GALNT17: variants seen among roughly 807,000 people sequenced by gnomAD.
The protein encoded by GALNT17 is UDP-GalNAc:polypeptide N-acetylgalactosaminyltransferase-like 3.
Under a neutral mutation model 63.7 loss-of-function variants are expected in GALNT17, and 29 were observed. That is an observed-to-expected ratio of 0.46 (90% CI 0.34 to 0.62). The LOEUF (loss-of-function observed/expected upper bound fraction) is 0.62, where lower values mean the gene tolerates loss of function less well. Among genes scored for constraint, GALNT17 ranks in the 20% least tolerant of loss-of-function variants. The pLI, the probability that GALNT17 is intolerant of heterozygous loss-of-function variation, is 0.01. For synonymous variants in GALNT17, 305 were observed against 318.3 expected, an observed-to-expected ratio of 0.96 and a Z score of 0.45; for missense variants, 603 against 799.6, an observed-to-expected ratio of 0.75 and a Z score of 2.97.
chr7:71,552,949 C>T (rs1382764053), intron 5 of GALNT17, among the ~76,000 whole-genome samples: 1 of 152,166 alleles, frequency 6.6e-6, no homozygotes, highest in Non-Finnish European at 1.5e-5. Flanking sequence ...TGCTGGGCAT[C>T]TGTCTCCCTT....
chr7:71,699,202 A>C (rs993607613), intron 9 of GALNT17, among the ~76,000 whole-genome samples: 2 of 136,358 alleles, frequency 1.5e-5, no homozygotes, highest in African/African-American at 2.7e-5. Flanking sequence ...AAAAATGACC[A>C]GGTGCAGTGG....
At chr7:71,440,985 G>A (rs1273779990) in intron 5 of GALNT17, among the ~76,000 whole-genome samples, 3 of 151,688 alleles carry the variant, frequency 2.0e-5, no homozygotes, top group African/African-American at 4.8e-5. Context: ...CTTGTGCGTT[G>A]GAGAGAAAGC....
intron 5 of GALNT17, among the ~76,000 whole-genome samples, chr7:71,448,118 C>CAAT (rs1787191714): frequency 6.6e-6 from 1 of 152,192 alleles, no homozygotes; most frequent in African/African-American, 2.4e-5. Flanking sequence ...AATTTGAAGA[C>CAAT]AATATTCCAT....
chr7:71,601,701 G>C (rs10247100), intron 6 of GALNT17, among the ~76,000 whole-genome samples: 62,635 of 151,962 alleles, frequency 0.41, 14,349 homozygotes, highest in African/African-American at 0.62. Context: ...AGGAGGATCA[G>C]TTGAGCCCAG....
At chr7:71,644,477 C>G (rs1206160441) in intron 6 of GALNT17, among the ~76,000 whole-genome samples, 1 of 119,530 alleles carries the variant, frequency 8.4e-6, no homozygotes, top group African/African-American at 3.3e-5. Context: ...TGCAGTGAGC[C>G]AAGATCTCAC....
chr7:71,274,544 C>A (rs117627539), intron 1 of GALNT17, among the ~76,000 whole-genome samples: 2 of 152,160 alleles, frequency 1.3e-5, no homozygotes, highest in African/African-American at 2.4e-5. Flanking sequence ...CCTCCAAAAG[C>A]GCTGGGTTGG....
intron 6 of GALNT17, among the ~76,000 whole-genome samples, chr7:71,604,994 A>G (rs1790023915): frequency 6.6e-6 from 1 of 152,190 alleles, no homozygotes; most frequent in South Asian, 2.1e-4. Flanking sequence ...AAAGCCTGAA[A>G]TCGTATCACA....
At chr7:71,162,152 C>CCTTCCTTCCTTCCTTCCTTCCTTCCTTT (rs1788360903) in intron 1 of GALNT17, among the ~76,000 whole-genome samples, 1 of 137,566 alleles carries the variant, frequency 7.3e-6, no homozygotes, top group African/African-American at 2.7e-5. Flanking sequence ...TTCCTTCCTT[C>CCTTCCTTCCTTCCTTCCTTCCTTCCTTT]CTTCCTTCCT....
chr7:71,472,696 T>C (rs1787653056), intron 5 of GALNT17, among the ~76,000 whole-genome samples: 1 of 152,008 alleles, frequency 6.6e-6, no homozygotes, highest in Admixed American at 6.6e-5. Flanking sequence ...AAAACTAAAC[T>C]AAACTAAACT....
chr7:71,624,868 C>CAGG (rs993188159), intron 6 of GALNT17, among the ~76,000 whole-genome samples: 110 of 152,260 alleles, frequency 7.2e-4, no homozygotes, highest in African/African-American at 2.6e-3. Flanking sequence ...TGGTAGACAG[C>CAGG]AGGTGGATGC....
intron 5 of GALNT17, among the ~76,000 whole-genome samples, chr7:71,515,577 C>T (rs1361090338): frequency 2.6e-5 from 4 of 152,256 alleles, no homozygotes; most frequent in Admixed American, 6.5e-5. Context: ...GGATAGCACC[C>T]GCACTCCCTA....
At chr7:71,399,642 A>T (rs1215932119) in intron 3 of GALNT17, among the ~76,000 whole-genome samples, 1 of 152,192 alleles carries the variant, frequency 6.6e-6, no homozygotes, top group Non-Finnish European at 1.5e-5. Flanking sequence ...TTCATGAGTT[A>T]AATTCATCAT....
intron 5 of GALNT17, among the ~76,000 whole-genome samples, chr7:71,440,102 G>A (rs996606248): frequency 7.9e-5 from 12 of 151,542 alleles, no homozygotes; most frequent in Admixed American, 2.6e-4. Flanking sequence ...CTAATTTTTC[G>A]TATTTTTAGT....
At chr7:71,175,720 T>C (rs1484211290) in intron 1 of GALNT17, among the ~76,000 whole-genome samples, 1 of 152,048 alleles carries the variant, frequency 6.6e-6, no homozygotes, top group Non-Finnish European at 1.5e-5. Flanking sequence ...TAACAGATTG[T>C]CCAAAAACTT....
At chr7:71,369,908 G>A (rs768345913) in intron 2 of GALNT17, among the ~76,000 whole-genome samples, 8 of 151,608 alleles carry the variant, frequency 5.3e-5, no homozygotes, top group African/African-American at 1.5e-4. Flanking sequence ...TCTACAGGAC[G>A]TTCAAAAGCC....
chr7:71,375,123 A>G (rs1792697423), intron 2 of GALNT17, among the ~76,000 whole-genome samples: 1 of 152,122 alleles, frequency 6.6e-6, no homozygotes. Context: ...TACAGGCGTG[A>G]GCCTCTGTGC....
intron 5 of GALNT17, among the ~76,000 whole-genome samples, chr7:71,445,114 C>T (rs1050110701): frequency 1.3e-5 from 2 of 151,408 alleles, no homozygotes; most frequent in Admixed American, 6.6e-5. Context: ...ATCACCCAGT[C>T]ACATGGGATG....
chr7:71,135,959 G>C (rs1042790879), intron 1 of GALNT17, among the ~76,000 whole-genome samples: 15 of 152,206 alleles, frequency 9.9e-5, no homozygotes, highest in African/African-American at 3.4e-4. Context: ...GGCAAGCTAA[G>C]AATGCAAGCT....
At chr7:71,432,299 A>G (rs1188556737) in intron 5 of GALNT17, among the ~76,000 whole-genome samples, 1 of 151,928 alleles carries the variant, frequency 6.6e-6, no homozygotes, top group African/African-American at 2.4e-5. Context: ...GCACATAACA[A>G]CTCATTTCAA....
Sources: gnomAD v4.1 joint callset for allele counts (sites outside exome capture counted in the v4.1 genomes callset) on GRCh38, gnomAD v4.1.1 for gene constraint, MANE v1.5 for transcripts, NCBI Gene and HGNC (gene_info 2026-07-23, HGNC 2026-07-21) for gene names.